Variants in CCDC34 observed in about 807,000 individuals in gnomAD.
CCDC34 encodes the protein coiled-coil domain-containing protein 34.
A neutral mutation model predicts 44.1 loss-of-function variants in CCDC34; 40 were observed. That is an observed-to-expected ratio of 0.91 (90% confidence interval 0.70 to 1.18). The LOEUF is 1.18. CCDC34 is among the 50% of genes most tolerant of loss of function. The pLI is 0.00. For synonymous variants in CCDC34, 159 were observed against 158.2 expected, an observed-to-expected ratio of 1.01 and a Z score of -0.04; for missense variants, 466 against 452.3, an observed-to-expected ratio of 1.03 and a Z score of -0.28.
chr11:27,348,803 G>GAAAA (rs34797091), intron 3 of CCDC34: 7 of 762,226 alleles, frequency 9.2e-6, no homozygotes, highest in South Asian at 6.2e-5. Flanking sequence ...AGGTCTTAAA[G>GAAAA]AAAAAAAAAA....
chr11:27,360,074 T>A (rs1590332525), intron 1 of CCDC34, among the ~76,000 whole-genome samples: 1 of 152,348 alleles, frequency 6.6e-6, no homozygotes, highest in East Asian at 1.9e-4. Flanking sequence ...GAATATTAAA[T>A]TTCCTTCCTT....
chr11:27,360,119 G>A lies in CCDC34; in HGVS notation c.360-2578C>T, dbSNP rs1255369196. Reference sequence around the variant, plus strand: ...AACAAATGTGTTCAAAATGTGTGGCGCACACACTACAGCTCTACTTATAAT... The same window carrying A: ...AACAAATGTGTTCAAAATGTGTGGCACACACACTACAGCTCTACTTATAAT... On this transcript the variant is annotated intron_variant, in intron 1 of 5. Coordinates refer to ENST00000328697, the MANE Select transcript of CCDC34 (RefSeq NM_030771.2). 3.3e-5 allele frequency among the ~76,000 whole-genome samples: 5 copies of A among 152,068 alleles called. No individual in the cohort carries two copies. In the East Asian group the frequency reaches 5.8e-4, roughly 18 times the overall value.
intron 5 of CCDC34, among the ~76,000 whole-genome samples, chr11:27,340,327 T>A (rs148684380): frequency 1.3e-5 from 2 of 152,132 alleles, no homozygotes; most frequent in Non-Finnish European, 2.9e-5. Flanking sequence ...GCCAAGGACA[T>A]GGGAAGCTCT....
chr11:27,357,446 T>G lies in CCDC34; in HGVS notation c.455A>C (p.Lys152Thr). 1.9e-6 allele frequency: 3 copies of G among 1,614,004 alleles called. No individual in the cohort carries two copies. The highest frequency in any genetic ancestry group is 2.5e-6 in the Non-Finnish European group (3 of 1,179,912). ...LTPWEVWFIG[K>T]EKEERDRLQL... ...CAGCCGGTCACGTTCTTCTTTTTCT[T>G]TGCCAATAAACCACACCTCCCATGG... Residue 152 changes from lysine to threonine, a missense_variant, in exon 2 of 6, where the codon AAA (lysine) becomes ACA (threonine). Coordinates refer to ENST00000328697, the MANE Select transcript of CCDC34 (RefSeq NM_030771.2).
chr11:27,349,846 G>A lies in CCDC34; in HGVS notation c.606+486C>T, dbSNP rs954012083. ...ATCCAGTATAAGAAGTAAACAACAA[G>A]TTGAAAGATATAATGGAAAGAGATC... On this transcript the variant is annotated intron_variant, in intron 3 of 5. Transcript: ENST00000328697. 37 of 976,642 alleles carry A rather than the reference G, an allele frequency of 3.8e-5. No homozygotes were observed. In the African/African-American group the frequency reaches 5.1e-4, roughly 13 times the overall value. The allele number at this position is 976,642 out of a possible 1,614,324, so 60.5% of individuals were successfully genotyped here. A position where few individuals can be genotyped will look rare whatever the true frequency, so the allele number is the denominator to read the frequency against.
rs750597370 is a variant in CCDC34 at position 27,363,118 on chromosome 11, G to A, written c.77C>T (p.Ser26Phe). Reference protein sequence around the residue: ...AGFSADCRPRSRPSSDSCSVP... With the variant: ...AGFSADCRPRFRPSSDSCSVP... ...TGAGCAGGAGTCCGAGGAGGGCCGAGACCTGGGTCTGCAGTCAGCAGAGAA... is the reference window on the plus strand; with the variant it reads ...TGAGCAGGAGTCCGAGGAGGGCCGAAACCTGGGTCTGCAGTCAGCAGAGAA... The change falls in exon 1 of 6, where the codon TCT (serine) becomes TTT (phenylalanine). Residue 26 changes from serine to phenylalanine, a missense_variant. Transcript: ENST00000328697. The A allele has an allele frequency of 6.3e-7, 1 of 1,581,402 alleles. No homozygotes were observed. Among genetic ancestry groups the A allele is most frequent in the African/African-American group, 1.4e-5 (1 of 74,050 alleles).
chr11:27,349,863 A>G, intron 3 of CCDC34: 1 of 986,516 alleles, frequency 1.0e-6, no homozygotes, highest in South Asian at 4.7e-5. Flanking sequence ...GATATAATGG[A>G]AAGAGATCAC....
rs74339010 is a variant in CCDC34, at chr11:27,351,962, C to T, written c.499-1523G>A. The stretch of plus-strand genomic sequence containing the variant: ...GTGAACTATATGAAACAAGAATACC[C>T]GGCAAAAGGGAAAATTCAGAGCTCT... On this transcript the variant is annotated intron_variant, in intron 2 of 5. Transcript: ENST00000328697. Among the ~76,000 whole-genome samples the T allele has an allele frequency of 2.3e-4, 35 of 152,138 alleles. 1 individual carries two copies. In the East Asian group the frequency reaches 5.4e-3, roughly 24 times the overall value.
chr11:27,363,086 T>A lies in CCDC34; in HGVS notation c.109A>T (p.Met37Leu). The change falls in exon 1 of 6, where the codon ATG becomes TTG. Residue 37 changes from methionine to leucine, a missense_variant. Physicochemically the swap from Met to Leu is conservative, Grantham distance 15 (BLOSUM62 2). Transcript: ENST00000328697. The stretch of plus-strand genomic sequence containing the variant: ...AGCCCCTGCCCACGTGCGCCCGTCA[T>A]AGGGACTGAGCAGGAGTCCGAGGAG... Reference protein sequence around the residue: ...RPSSDSCSVPMTGARGQGLEV... With the variant: ...RPSSDSCSVPLTGARGQGLEV... 1.2e-5 allele frequency: 19 copies of A among 1,610,986 alleles called. No individual in the cohort carries two copies. Among genetic ancestry groups the A allele is most frequent in the Non-Finnish European group, 1.5e-5 (18 of 1,178,574 alleles).
At chr11:27,351,518 C>T (rs1165556930) in intron 2 of CCDC34, among the ~76,000 whole-genome samples, 1 of 152,172 alleles carries the variant, frequency 6.6e-6, no homozygotes, top group Non-Finnish European at 1.5e-5. Flanking sequence ...ACTATACCCC[C>T]AAAAGCAAAT....
intron 2 of CCDC34, among the ~76,000 whole-genome samples, chr11:27,350,683 A>G (rs2133344811): frequency 6.6e-6 from 1 of 152,356 alleles, no homozygotes; most frequent in South Asian, 2.1e-4. Flanking sequence ...CTAGTTTCCT[A>G]GACTAAACTT....
chr11:27,344,401 C>CAAACATGTATGCTATATATTAT (rs1862404884), intron 3 of CCDC34, among the ~76,000 whole-genome samples: 1 of 151,858 alleles, frequency 6.6e-6, no homozygotes, highest in South Asian at 2.1e-4. Flanking sequence ...CTGCATGTTA[C>CAAACATGTATGCTATATATTAT]AAACATGTAT....
chr11:27,342,291 CTATATATA>C (rs34284661), intron 3 of CCDC34, among the ~76,000 whole-genome samples: 26 of 139,214 alleles, frequency 1.9e-4, no homozygotes, highest in African/African-American at 3.2e-4. Flanking sequence ...AAAACAGGGG[CTATATATA>C]TATATATATA....
At chr11:27,356,435 TAGAC>T (rs979707955) in intron 2 of CCDC34, among the ~76,000 whole-genome samples, 4 of 152,020 alleles carry the variant, frequency 2.6e-5, no homozygotes, top group Non-Finnish European at 5.9e-5. Context: ...TAAATAATAT[TAGAC>T]AGCCATTTTT....
chr11:27,348,937 G>C (rs1475597149), intron 3 of CCDC34: 1 of 984,644 alleles, frequency 1.0e-6, no homozygotes, highest in Non-Finnish European at 1.2e-6. Context: ...TCAATAACTA[G>C]TGATTTATGT....
intron 3 of CCDC34, chr11:27,349,614 T>C (rs1590326590): frequency 3.1e-6 from 3 of 982,990 alleles, no homozygotes; most frequent in African/African-American, 1.7e-5. Context: ...AGAAGACAAA[T>C]TGACCACAGA....
At chr11:27,343,128 T>C (rs1004217602) in intron 3 of CCDC34, among the ~76,000 whole-genome samples, 2 of 152,148 alleles carry the variant, frequency 1.3e-5, no homozygotes, top group Non-Finnish European at 2.9e-5. Flanking sequence ...AGGATGGGCA[T>C]GGTCGTTCAT....
chr11:27,344,534 C>T (rs573421075), intron 3 of CCDC34, among the ~76,000 whole-genome samples: 58 of 151,162 alleles, frequency 3.8e-4, no homozygotes, highest in South Asian at 3.5e-3. Context: ...GTTGTACATA[C>T]GTGTAAATAT....
chr11:27,362,379 A>G (rs1862678577), intron 1 of CCDC34, among the ~76,000 whole-genome samples: 1 of 152,220 alleles, frequency 6.6e-6, no homozygotes, highest in South Asian at 2.1e-4. Flanking sequence ...TTTATGTTAT[A>G]AAAAGTGACC....
Sources: allele counts gnomAD v4.1 joint callset (sites outside exome capture counted in the v4.1 genomes callset), GRCh38; gene constraint gnomAD v4.1.1; transcripts MANE v1.5; gene names NCBI Gene and HGNC (gene_info 2026-07-23, HGNC 2026-07-21).